The following GRIN2A variants were observed in gnomAD, a reference collection of about 807,000 sequenced individuals.
The protein encoded by GRIN2A is glutamate receptor ionotropic, NMDA 2A.
In GRIN2A, 22 loss-of-function variants were observed where a neutral mutation model predicts 113.4. That is an observed-to-expected ratio of 0.19 (90% CI 0.14 to 0.28). The LOEUF is 0.28. GRIN2A is among the 10% of genes least tolerant of loss of function. The probability of loss-of-function intolerance (pLI) is 1.00; values close to 1 mark genes in which losing one functional copy is unlikely to be tolerated. For synonymous variants in GRIN2A, 827 were observed against 738.4 expected (o/e 1.12, Z -1.94); for missense variants, 1,502 against 1,887.0 (o/e 0.80, Z 3.78).
rs553092635 is a variant in GRIN2A at position 9,836,593 on chromosome 16, T to C, written c.1652-2363A>G. Among the ~76,000 whole-genome samples, 8 of 152,304 alleles carry C rather than the reference T, an allele frequency of 5.3e-5. No homozygotes were observed. The East Asian group carries it at 1.5e-3, about 29-fold the overall frequency. ...CCCCACTTGGAATTGACCACATCTG[T>C]TCCTTAACTTGTGAGCACAGCACGG... On this transcript the variant is annotated intron_variant, in intron 7 of 12. Transcript: ENST00000330684.
At chr16:10,059,774 G>C (rs531318615) in intron 2 of GRIN2A, among the ~76,000 whole-genome samples, 1 of 151,770 alleles carries the variant, frequency 6.6e-6, no homozygotes, top group South Asian at 2.1e-4. Flanking sequence ...GAGGTAAGAG[G>C]TAAGTGAAGA....
intron 3 of GRIN2A, among the ~76,000 whole-genome samples, chr16:9,930,260 C>A (rs942517620): frequency 2.6e-5 from 4 of 152,136 alleles, no homozygotes; most frequent in Non-Finnish European, 5.9e-5. Flanking sequence ...CTTGACTAAG[C>A]ACAATACCTG....
chr16:9,997,401 A>T (rs1030566646), intron 2 of GRIN2A, among the ~76,000 whole-genome samples: 3 of 151,708 alleles, frequency 2.0e-5, no homozygotes, highest in Non-Finnish European at 4.4e-5. Context: ...TTCCCCCTAC[A>T]CTTTTTCTTG....
chr16:10,080,967 C>T (rs1041787669), intron 2 of GRIN2A, among the ~76,000 whole-genome samples: 1 of 152,206 alleles, frequency 6.6e-6, no homozygotes, highest in Non-Finnish European at 1.5e-5. Flanking sequence ...ACTCTGAGAT[C>T]TTGTACTGCA....
chr16:10,170,173 G>A (rs1361226275), intron 2 of GRIN2A, among the ~76,000 whole-genome samples: 1 of 152,174 alleles, frequency 6.6e-6, no homozygotes, highest in Non-Finnish European at 1.5e-5. Context: ...ATGCATCTAT[G>A]AGCCAGATTC....
At chr16:9,865,397 A>G (rs1456415881) in intron 4 of GRIN2A, among the ~76,000 whole-genome samples, 1 of 152,216 alleles carries the variant, frequency 6.6e-6, no homozygotes, top group African/African-American at 2.4e-5. Context: ...AATCATGGTG[A>G]CCAATCAGGA....
chr16:9,965,699 G>A (rs978830890), intron 2 of GRIN2A, among the ~76,000 whole-genome samples: 11 of 152,172 alleles, frequency 7.2e-5, no homozygotes, highest in African/African-American at 2.7e-4. Context: ...AGGAATAAAT[G>A]AATGGAGAGG....
intron 3 of GRIN2A, among the ~76,000 whole-genome samples, chr16:9,903,328 C>T (rs1204539899): frequency 1.3e-5 from 2 of 152,140 alleles, no homozygotes; most frequent in Non-Finnish European, 2.9e-5. Context: ...TTGCCTCCTG[C>T]TATTCTCTGA....
Position 9,760,958 on chromosome 16 carries a change from G to A in GRIN2A, c.*2191C>T. 4.3e-6 allele frequency: 1 copy of A among 232,322 alleles called. No individual in the cohort carries two copies. The highest frequency in any genetic ancestry group is 8.5e-6 in the Non-Finnish European group (1 of 117,550). The allele number at this position is 232,322 out of a possible 1,614,324, so 14.4% of individuals were successfully genotyped here. A position where few individuals can be genotyped will look rare whatever the true frequency, so the allele number is the denominator to read the frequency against. On this transcript the variant is annotated 3_prime_UTR_variant, in exon 13 of 13. Transcript: ENST00000330684. Reference sequence around the variant, plus strand: ...ATCAGATGTTGGGGTGACTATTCTGGGCCCTTCGATCCAGGCTTCTCCATG... The same window carrying A: ...ATCAGATGTTGGGGTGACTATTCTGAGCCCTTCGATCCAGGCTTCTCCATG...
chr16:9,868,606 C>T (rs1364676209), intron 4 of GRIN2A, among the ~76,000 whole-genome samples: 2 of 152,108 alleles, frequency 1.3e-5, no homozygotes, highest in Non-Finnish European at 2.9e-5. Context: ...TCTGGCCCTT[C>T]CACTCCCCAG....
intron 7 of GRIN2A, among the ~76,000 whole-genome samples, chr16:9,838,770 A>G (rs1390468729): frequency 6.6e-6 from 1 of 152,206 alleles, no homozygotes; most frequent in African/African-American, 2.4e-5. Flanking sequence ...AGTTTGAGAT[A>G]AATGAAAGAT....
chr16:9,826,902 G>A (rs189939690), intron 9 of GRIN2A, among the ~76,000 whole-genome samples: 1 of 152,264 alleles, frequency 6.6e-6, no homozygotes, highest in African/African-American at 2.4e-5. Context: ...CCCCGCCCTT[G>A]CCTTTGAACA....
chr16:9,889,643 G>A (rs1227199738), intron 4 of GRIN2A, among the ~76,000 whole-genome samples: 1 of 151,898 alleles, frequency 6.6e-6, no homozygotes, highest in East Asian at 1.9e-4. Flanking sequence ...CTCAAATTTT[G>A]ATATTTTGTG....
chr16:10,005,523 T>C (rs568677746), intron 2 of GRIN2A, among the ~76,000 whole-genome samples: 23 of 152,296 alleles, frequency 1.5e-4, no homozygotes, highest in African/African-American at 5.3e-4. Context: ...GTGGTCCAGA[T>C]ACGTAAAGAG....
intron 3 of GRIN2A, among the ~76,000 whole-genome samples, chr16:9,896,334 C>A (rs2043807085): frequency 6.6e-6 from 1 of 152,204 alleles, no homozygotes. Flanking sequence ...CAGGCGTGAG[C>A]CACCATGCCC....
chr16:10,084,889 GAC>G (rs1236095195), intron 2 of GRIN2A, among the ~76,000 whole-genome samples: 2 of 152,164 alleles, frequency 1.3e-5, no homozygotes, highest in African/African-American at 4.8e-5. Context: ...ACAGTCTACT[GAC>G]ACATAGATCA....
chr16:9,844,230 A>G (rs2042731228), intron 5 of GRIN2A, among the ~76,000 whole-genome samples: 1 of 152,196 alleles, frequency 6.6e-6, no homozygotes, highest in Non-Finnish European at 1.5e-5. Flanking sequence ...TTTATGAGTT[A>G]TCTCACCCAT....
chr16:9,791,416 G>A (rs1902598080), intron 11 of GRIN2A, among the ~76,000 whole-genome samples: 2 of 152,180 alleles, frequency 1.3e-5, no homozygotes, highest in South Asian at 4.1e-4. Flanking sequence ...AAAATATTCA[G>A]GGGTAAGGGG....
chr16:10,064,652 A>G (rs1055017790), intron 2 of GRIN2A, among the ~76,000 whole-genome samples: 6 of 152,250 alleles, frequency 3.9e-5, no homozygotes, highest in Non-Finnish European at 5.9e-5. Context: ...TGACTAAAAC[A>G]TATCAAGAGA....
Sources: allele counts gnomAD v4.1 joint callset (sites outside exome capture counted in the v4.1 genomes callset), GRCh38; gene constraint gnomAD v4.1.1; transcripts MANE v1.5; gene names NCBI Gene and HGNC (gene_info 2026-07-23, HGNC 2026-07-21).